Variants in MEOX1 observed in about 807,000 individuals in gnomAD.
MEOX1 encodes the protein homeobox protein MOX-1.
A neutral mutation model predicts 23.2 loss-of-function variants in MEOX1; 17 were observed. That is an observed-to-expected ratio of 0.73 (90% confidence interval 0.50 to 1.10). MEOX1 has a LOEUF of 1.10. Among genes scored for constraint, MEOX1 ranks in the 50% least tolerant of loss-of-function variants. The pLI, the probability that MEOX1 is intolerant of heterozygous loss-of-function variation, is 0.00. For synonymous variants in MEOX1, 134 were observed against 135.1 expected (o/e 0.99, Z 0.06); for missense variants, 333 against 332.2 (o/e 1.00, Z -0.02).
Position 43,661,148 on chromosome 17 carries a change from G to A in MEOX1, c.387C>T (p.Gly129=), listed in dbSNP as rs753290944. The part of the protein sequence containing the change: ...SSLGLVDTTG[G]PGDDYGVLGS... The stretch of plus-strand genomic sequence containing the variant: ...CAAGCACCCCGTAGTCATCGCCTGG[G>A]CCTCCTGTGGTGTCCACCAGGCCCA... The change falls in exon 1 of 3, where the codon GGC becomes GGT. Residue 129 remains glycine, a synonymous_variant. Coordinates refer to ENST00000318579, the MANE Select transcript of MEOX1 (RefSeq NM_004527.4). The A allele has an allele frequency of 7.7e-6, 12 of 1,556,930 alleles. No individual in the cohort carries two copies. The highest frequency in any genetic ancestry group is 9.5e-6 in the Non-Finnish European group (11 of 1,154,742).
intron 1 of MEOX1, among the ~76,000 whole-genome samples, chr17:43,658,239 C>T (rs974150810): frequency 5.3e-5 from 8 of 152,178 alleles, no homozygotes; most frequent in Non-Finnish European, 7.3e-5. Flanking sequence ...TAAGGAAGGC[C>T]GGGCACGGTG....
chr17:43,652,570 G>T (rs1007096928), intron 1 of MEOX1, among the ~76,000 whole-genome samples: 2 of 152,140 alleles, frequency 1.3e-5, no homozygotes, highest in African/African-American at 4.8e-5. Flanking sequence ...TTTCTCAGAA[G>T]AGACTCAGGG....
chr17:43,649,558 C>T (rs1351368470), intron 1 of MEOX1, among the ~76,000 whole-genome samples: 10 of 152,162 alleles, frequency 6.6e-5, no homozygotes, highest in East Asian at 1.9e-4. Context: ...CCACCTGCCT[C>T]GGCCTCCCAA....
At chr17:43,649,376 G>A (rs937443181) in intron 1 of MEOX1, among the ~76,000 whole-genome samples, 24 of 145,930 alleles carry the variant, frequency 1.6e-4, no homozygotes, top group Admixed American at 1.4e-3. Context: ...GCGGGATCTC[G>A]GCTCACCGCA....
chr17:43,643,390 G>T, intron 2 of MEOX1, 98 bp downstream of exon 2: 1 of 1,156,658 alleles, frequency 8.6e-7, no homozygotes, highest in Non-Finnish European at 1.2e-6. Context: ...ACTGGCTGGA[G>T]GAAGAAAAAG....
At chr17:43,643,403 G>T in intron 2 of MEOX1, 85 bp downstream of exon 2, 1 of 1,257,502 alleles carries the variant, frequency 8.0e-7, no homozygotes. Flanking sequence ...AGAAAAAGGA[G>T]AAGGTCCAGG....
In MEOX1 at chr17:43,643,638, C is replaced by A; in HGVS notation, c.492G>T (p.Lys164Asn). 1 of 1,613,416 alleles carries A rather than the reference C, an allele frequency of 6.2e-7. No individual in the cohort carries two copies. Among genetic ancestry groups the A allele is most frequent in the Non-Finnish European group, 8.5e-7 (1 of 1,179,846 alleles). ...ESSDNQENRG[K>N]PEGSSKARKE... ...TGCGGGCTTTGCTGCTGCCCTCCGG[C>A]TTCCCTCTGTTCTCCTGGTTGTCTG... The change falls in exon 2 of 3, where the codon AAG (lysine) becomes AAT (asparagine). Residue 164 changes from lysine to asparagine, a missense_variant. Transcript: ENST00000318579.
At chr17:43,655,926 C>A (rs991427899) in intron 1 of MEOX1, among the ~76,000 whole-genome samples, 1 of 152,106 alleles carries the variant, frequency 6.6e-6, no homozygotes, top group East Asian at 1.9e-4. Flanking sequence ...TTCTAGAAAT[C>A]GATTGCACAA....
Position 43,661,585 on chromosome 17 carries a change from T to C in MEOX1, c.-51A>G, listed in dbSNP as rs1973145573. ...CTTTCAAAGATTTGATTCTTTATACTTTTTATGTTCAAATTTTTAAAAATG... is the reference window on the plus strand; with the variant it reads ...CTTTCAAAGATTTGATTCTTTATACCTTTTATGTTCAAATTTTTAAAAATG... On this transcript the variant is annotated 5_prime_UTR_variant, in exon 1 of 3. Coordinates refer to ENST00000318579, the MANE Select transcript of MEOX1 (RefSeq NM_004527.4). 2 of 1,042,374 alleles carry C rather than the reference T, an allele frequency of 1.9e-6. No individual in the cohort carries two copies. Among genetic ancestry groups the C allele is most frequent in the Non-Finnish European group, 2.5e-6 (2 of 792,958 alleles). The allele number at this position is 1,042,374 out of a possible 1,614,324, so 64.6% of individuals were successfully genotyped here.
chr17:43,656,120 C>T (rs533919434), intron 1 of MEOX1, among the ~76,000 whole-genome samples: 2 of 152,188 alleles, frequency 1.3e-5, no homozygotes, highest in Non-Finnish European at 2.9e-5. Flanking sequence ...CTAGCAGATA[C>T]TAGACTTCGA....
intron 1 of MEOX1, among the ~76,000 whole-genome samples, chr17:43,655,469 CAA>C (rs879765013): frequency 1.7e-4 from 18 of 105,694 alleles, no homozygotes; most frequent in Admixed American, 3.0e-4. Context: ...GACTCCGTCT[CAA>C]AAAAAAAAAA....
At chr17:43,649,778 T>C (rs1375454125) in intron 1 of MEOX1, among the ~76,000 whole-genome samples, 1 of 152,116 alleles carries the variant, frequency 6.6e-6, no homozygotes, top group African/African-American at 2.4e-5. Context: ...CCTCTGTGAT[T>C]AGGAAGGAGT....
intron 1 of MEOX1, among the ~76,000 whole-genome samples, chr17:43,656,792 C>T (rs1973027734): frequency 1.3e-5 from 2 of 152,120 alleles, no homozygotes; most frequent in South Asian, 2.1e-4. Context: ...TTAAAGACAA[C>T]CACAGTAGCA....
chr17:43,642,010 C>T lies in MEOX1; in HGVS notation c.665G>A (p.Arg222Gln), dbSNP rs150792046. Reference sequence around the variant, plus strand: ...CTTCACACGCTTCCACTTCATCCTTCGGTTCTGGAACCACACTTTGACCTG... The same window carrying T: ...CTTCACACGCTTCCACTTCATCCTTTGGTTCTGGAACCACACTTTGACCTG... ...ERQVKVWFQN[R>Q]RMKWKRVKGG... The change falls in exon 3 of 3, where the codon CGA (arginine) becomes CAA (glutamine). Residue 222 changes from arginine (R) to glutamine (Q), a missense_variant. Physicochemically the swap from Arg to Gln is conservative, Grantham distance 43. Coordinates refer to ENST00000318579, the MANE Select transcript of MEOX1 (RefSeq NM_004527.4). 11 of 1,613,752 alleles carry T rather than the reference C, an allele frequency of 6.8e-6. No individual in the cohort carries two copies. Among genetic ancestry groups the T allele is most frequent in the Non-Finnish European group, 8.5e-6 (10 of 1,179,878 alleles).
rs1973130883 is a variant in MEOX1, at chr17:43,661,139, A to G, written c.396T>C (p.Asp132=). 6.5e-7 allele frequency: 1 copy of G among 1,545,158 alleles called. No individual in the cohort carries two copies. The highest frequency in any genetic ancestry group is 1.4e-5 in the African/African-American group (1 of 72,344). The change falls in exon 1 of 3, where the codon GAT becomes GAC. Residue 132 remains aspartate, a synonymous_variant. Coordinates refer to ENST00000318579, the MANE Select transcript of MEOX1 (RefSeq NM_004527.4). Reference sequence around the variant, plus strand: ...CAGTGCTCCCAAGCACCCCGTAGTCATCGCCTGGGCCTCCTGTGGTGTCCA... The same window carrying G: ...CAGTGCTCCCAAGCACCCCGTAGTCGTCGCCTGGGCCTCCTGTGGTGTCCA... ...GLVDTTGGPG[D]DYGVLGSTAN...
At position 43,643,577 on chromosome 17, in the gene MEOX1, C is replaced by G. The variant is rs1301222779; in HGVS notation, c.553G>C (p.Glu185Gln). 6.2e-7 allele frequency: 1 copy of G among 1,612,922 alleles called. No individual in the cohort carries two copies. Among genetic ancestry groups the G allele is most frequent in the Admixed American group, 1.7e-5 (1 of 59,876 alleles). The change falls in exon 2 of 3, where the codon GAG (glutamate) becomes CAG (glutamine). Residue 185 changes from glutamate (E) to glutamine (Q), a missense_variant. Coordinates refer to ENST00000318579, the MANE Select transcript of MEOX1 (RefSeq NM_004527.4). ...TGATGGGCAAACTCTGCCTCCAGCT[C>G]TCGCAGCTGCTCCTTGGTGAAGGCC... ...RTAFTKEQLR[E>Q]LEAEFAHHNY... is the part of the protein sequence containing the mutation.
At chr17:43,655,661 A>G (rs1438453797) in intron 1 of MEOX1, among the ~76,000 whole-genome samples, 1 of 25,274 alleles carries the variant, frequency 4.0e-5, no homozygotes, top group African/African-American at 6.4e-5. Context: ...CTGTCTTTCT[A>G]AAAAAAAAAA....
intron 1 of MEOX1, among the ~76,000 whole-genome samples, chr17:43,653,189 G>A (rs898696977): frequency 2.1e-5 from 3 of 146,206 alleles, no homozygotes; most frequent in Non-Finnish European, 4.5e-5. Flanking sequence ...TCCCCAGCTG[G>A]AGTGCAGTGG....
At chr17:43,654,302 A>G (rs1483904279) in intron 1 of MEOX1, among the ~76,000 whole-genome samples, 1 of 152,158 alleles carries the variant, frequency 6.6e-6, no homozygotes, top group African/African-American at 2.4e-5. Context: ...TGAGGTCAGG[A>G]GTTCGAGACC....
Sources: allele counts gnomAD v4.1 joint callset (sites outside exome capture counted in the v4.1 genomes callset), GRCh38; gene constraint gnomAD v4.1.1; transcripts MANE v1.5; gene names NCBI Gene and HGNC (gene_info 2026-07-23, HGNC 2026-07-21).